Variants in L3MBTL4 observed in about 807,000 individuals in gnomAD.
The protein encoded by L3MBTL4 is L3MBTL histone methyl-lysine binding protein 4.
A neutral mutation model predicts 84.5 loss-of-function variants in L3MBTL4; 70 were observed. The ratio of observed to expected loss-of-function variants is 0.83; its 90% CI spans 0.68 to 1.01. L3MBTL4 has a LOEUF of 1.01. L3MBTL4 is among the 50% of genes least tolerant of loss of function. L3MBTL4 has a pLI of 0.00. For synonymous variants in L3MBTL4, 274 were observed against 259.8 expected (o/e 1.05, Z -0.52); for missense variants, 715 against 754.8 (o/e 0.95, Z 0.62).
intron 13 of L3MBTL4, among the ~76,000 whole-genome samples, chr18:6,146,760 T>C (rs80145011): frequency 0.013 from 1,921 of 152,298 alleles, 33 homozygotes; most frequent in African/African-American, 0.044. Flanking sequence ...AATATTTCAG[T>C]ACAGGGAAAA....
chr18:6,350,033 T>C (rs1175167913), intron 1 of L3MBTL4, among the ~76,000 whole-genome samples: 1 of 152,232 alleles, frequency 6.6e-6, no homozygotes, highest in Non-Finnish European at 1.5e-5. Context: ...ACAAATGGCA[T>C]TGAGAAAACT....
intron 4 of L3MBTL4, among the ~76,000 whole-genome samples, chr18:6,288,018 G>A (rs1009724457): frequency 3.3e-5 from 5 of 152,134 alleles, no homozygotes; most frequent in African/African-American, 1.2e-4. Flanking sequence ...ACTCCAGCCT[G>A]GGTGACAAAA....
intron 14 of L3MBTL4, among the ~76,000 whole-genome samples, chr18:6,121,459 C>G (rs2059524340): frequency 6.6e-6 from 1 of 152,062 alleles, no homozygotes; most frequent in Non-Finnish European, 1.5e-5. Flanking sequence ...ATCATATCAT[C>G]AAAATGAGAA....
intron 16 of L3MBTL4, among the ~76,000 whole-genome samples, chr18:6,052,486 T>A (rs2056874417): frequency 6.6e-6 from 1 of 152,230 alleles, no homozygotes; most frequent in Non-Finnish European, 1.5e-5. Context: ...TATGAATCAG[T>A]ACTTACTCCC....
At chr18:5,991,071 T>C (rs2053675943) in intron 16 of L3MBTL4, among the ~76,000 whole-genome samples, 1 of 152,150 alleles carries the variant, frequency 6.6e-6, no homozygotes, top group Non-Finnish European at 1.5e-5. Context: ...TAGCCTCTGT[T>C]GTTCTTTCCT....
At chr18:6,046,308 G>C (rs894015277) in intron 16 of L3MBTL4, among the ~76,000 whole-genome samples, 2 of 152,124 alleles carry the variant, frequency 1.3e-5, no homozygotes, top group Admixed American at 6.5e-5. Context: ...AATAGTACTG[G>C]AGGACTTTAA....
In L3MBTL4 at chr18:6,250,673, C is replaced by T. The variant is rs756725248; in HGVS notation, c.220-6085G>A. On this transcript the variant is annotated intron_variant, in intron 5 of 18. Coordinates refer to ENST00000317931, the MANE Select transcript of L3MBTL4 (RefSeq NM_001330559.2). Reference sequence around the variant, plus strand: ...GGGCCTGCAATCAAATCCTGGCCACCGAGGCACACATTTTAACATGTTATA... The same window carrying T: ...GGGCCTGCAATCAAATCCTGGCCACTGAGGCACACATTTTAACATGTTATA... Among the ~76,000 whole-genome samples, 37 of 151,924 alleles carry T rather than the reference C, an allele frequency of 2.4e-4. 1 individual carries two copies. The highest frequency in any genetic ancestry group is 5.3e-4 in the Non-Finnish European group (36 of 67,988).
chr18:6,119,546 A>G (rs947497245), intron 14 of L3MBTL4, among the ~76,000 whole-genome samples: 2 of 152,176 alleles, frequency 1.3e-5, no homozygotes, highest in Non-Finnish European at 2.9e-5. Context: ...ATGCGTATGG[A>G]TCGCTGTTCA....
chr18:6,411,033 C>A (rs1015472828), intron 1 of L3MBTL4, among the ~76,000 whole-genome samples: 9 of 152,052 alleles, frequency 5.9e-5, no homozygotes, highest in African/African-American at 2.2e-4. Flanking sequence ...CCATTGCTAC[C>A]GTGGAAAAAA....
chr18:6,074,723 A>C (rs1032807673), intron 16 of L3MBTL4, among the ~76,000 whole-genome samples: 2 of 152,136 alleles, frequency 1.3e-5, no homozygotes, highest in African/African-American at 2.4e-5. Flanking sequence ...TATACAAGTA[A>C]AGACATTGGT....
intron 13 of L3MBTL4, among the ~76,000 whole-genome samples, chr18:6,166,108 C>A (rs1367419650): frequency 1.1e-4 from 16 of 152,178 alleles, no homozygotes; most frequent in Non-Finnish European, 1.9e-4. Flanking sequence ...GTAAAGGGAT[C>A]AATTCAACAA....
At chr18:6,290,186 G>C (rs2049791082) in intron 4 of L3MBTL4, among the ~76,000 whole-genome samples, 1 of 152,178 alleles carries the variant, frequency 6.6e-6, no homozygotes, top group East Asian at 1.9e-4. Context: ...AAAGTGCCTG[G>C]GTTACAGGCA....
chr18:6,127,401 C>T (rs943656060), intron 14 of L3MBTL4, among the ~76,000 whole-genome samples: 1 of 152,028 alleles, frequency 6.6e-6, no homozygotes, highest in African/African-American at 2.4e-5. Flanking sequence ...AATTGGACAC[C>T]CCAGTTCTAC....
chr18:6,235,268 C>T lies in L3MBTL4; in HGVS notation c.784+2696G>A, dbSNP rs3016526. ...AATCAACATGGCACATGTATACATACGTAACAAACCCGCACATTGTGCACA... is the reference window on the plus strand; with the variant it reads ...AATCAACATGGCACATGTATACATATGTAACAAACCCGCACATTGTGCACA... On this transcript the variant is annotated intron_variant, in intron 10 of 18. Coordinates refer to ENST00000317931, the MANE Select transcript of L3MBTL4 (RefSeq NM_001330559.2). 3.6e-3 allele frequency among the ~76,000 whole-genome samples: 543 copies of T among 152,076 alleles called. 4 individuals are homozygous for T. Among genetic ancestry groups the T allele is most frequent in the African/African-American group, 0.012 (498 of 41,476 alleles).
chr18:6,239,364 G>T (rs1599291521), intron 9 of L3MBTL4, among the ~76,000 whole-genome samples: 1 of 138,878 alleles, frequency 7.2e-6, no homozygotes. Context: ...AAAAAAATGT[G>T]ATAAGGTACA....
At chr18:6,359,887 G>A (rs1008184259) in intron 1 of L3MBTL4, among the ~76,000 whole-genome samples, 1 of 152,028 alleles carries the variant, frequency 6.6e-6, no homozygotes, top group Non-Finnish European at 1.5e-5. Context: ...GGGTTAAAGG[G>A]TTGTATGAAT....
chr18:6,255,767 A>G (rs2048111627), intron 5 of L3MBTL4, among the ~76,000 whole-genome samples: 1 of 151,388 alleles, frequency 6.6e-6, no homozygotes, highest in Admixed American at 6.6e-5. Flanking sequence ...GCAACAAAAT[A>G]CATATAAAAG....
At chr18:6,364,998 G>A (rs12955051) in intron 1 of L3MBTL4, among the ~76,000 whole-genome samples, 43,590 of 151,948 alleles carry the variant, frequency 0.29, 7,439 homozygotes, top group Middle Eastern at 0.42. Context: ...AATCAAAAGT[G>A]TAATGTAAGC....
chr18:6,018,243 A>G (rs2055089951), intron 16 of L3MBTL4, among the ~76,000 whole-genome samples: 1 of 152,178 alleles, frequency 6.6e-6, no homozygotes, highest in Non-Finnish European at 1.5e-5. Flanking sequence ...CACCCCAAGG[A>G]CAGTGACTCC....
Sources: gnomAD v4.1 joint callset for allele counts (sites outside exome capture counted in the v4.1 genomes callset) on GRCh38, gnomAD v4.1.1 for gene constraint, MANE v1.5 for transcripts, NCBI Gene and HGNC (gene_info 2026-07-23, HGNC 2026-07-21) for gene names.